Variants in GPM6A observed in about 807,000 individuals in gnomAD.
The protein encoded by GPM6A is neuronal membrane glycoprotein M6-a.
GPM6A carries 7 observed loss-of-function variants against 32.1 expected under a neutral mutation model. The ratio of observed to expected loss-of-function variants is 0.22; its 90% CI spans 0.12 to 0.41. The LOEUF (loss-of-function observed/expected upper bound fraction) is 0.41, where lower values mean the gene tolerates loss of function less well. GPM6A is among the 10% of genes least tolerant of loss of function. The pLI, the probability that GPM6A is intolerant of heterozygous loss-of-function variation, is 1.00. For missense variants in GPM6A, 235 were observed against 347.2 expected (o/e 0.68, Z 2.57); for synonymous variants, 130 against 123.4 (o/e 1.05, Z -0.35).
chr4:175,926,875 C>T (rs1366055347), intron 1 of GPM6A, among the ~76,000 whole-genome samples: 1 of 152,190 alleles, frequency 6.6e-6, no homozygotes, highest in East Asian at 1.9e-4. Flanking sequence ...ATCGTCAAAT[C>T]AGTGCCTTAA....
At chr4:175,695,086 AG>A (rs1744504326) in intron 2 of GPM6A, among the ~76,000 whole-genome samples, 1 of 152,144 alleles carries the variant, frequency 6.6e-6, no homozygotes, top group South Asian at 2.1e-4. Context: ...GCAAGAGTTG[AG>A]GTTTGGAAGC....
chr4:175,891,116 A>G (rs1197867496), intron 1 of GPM6A, among the ~76,000 whole-genome samples: 2 of 152,194 alleles, frequency 1.3e-5, no homozygotes, highest in Non-Finnish European at 2.9e-5. Flanking sequence ...TAACATAAGT[A>G]ATTTTACATC....
At chr4:175,676,041 T>C (rs1743348596) in intron 2 of GPM6A, among the ~76,000 whole-genome samples, 2 of 152,170 alleles carry the variant, frequency 1.3e-5, no homozygotes, top group South Asian at 4.1e-4. Context: ...CTTGTGATAG[T>C]GAGTGAGTTC....
intron 1 of GPM6A, among the ~76,000 whole-genome samples, chr4:175,914,232 T>C (rs988699191): frequency 6.6e-6 from 1 of 152,200 alleles, no homozygotes; most frequent in Admixed American, 6.5e-5. Context: ...GTTCACTTAA[T>C]CCTGAATCCA....
chr4:175,763,670 C>T (rs912104611), intron 1 of GPM6A, among the ~76,000 whole-genome samples: 34 of 152,092 alleles, frequency 2.2e-4, no homozygotes, highest in Admixed American at 1.4e-3. Flanking sequence ...GAACATTGTA[C>T]GTGTCCCAGT....
At chr4:175,992,247 C>T (rs538992222) in intron 1 of GPM6A, among the ~76,000 whole-genome samples, 4 of 152,126 alleles carry the variant, frequency 2.6e-5, no homozygotes, top group South Asian at 2.1e-4. Flanking sequence ...AAGGAAGTCT[C>T]AGATAATTCC....
At chr4:175,884,456 A>C (rs1737385331) in intron 1 of GPM6A, among the ~76,000 whole-genome samples, 1 of 152,054 alleles carries the variant, frequency 6.6e-6, no homozygotes, top group African/African-American at 2.4e-5. Flanking sequence ...GGCAAAGACC[A>C]CTCTTATTTT....
intron 1 of GPM6A, among the ~76,000 whole-genome samples, chr4:175,781,016 AG>A (rs1401895177): frequency 6.6e-6 from 1 of 152,114 alleles, no homozygotes; most frequent in Non-Finnish European, 1.5e-5. Context: ...TAGAAGGGCA[AG>A]GTATCAGGAG....
upstream of GPM6A, chr4:175,812,340 T>TTTTTTTTTGAGA (rs1734964692): frequency 7.8e-7 from 1 of 1,279,438 alleles, no homozygotes. Flanking sequence ...TTTTTTTTTT[T>TTTTTTTTTGAGA]CCTGGGAAGC....
At chr4:175,917,037 G>A (rs1738515683) in intron 1 of GPM6A, among the ~76,000 whole-genome samples, 1 of 152,146 alleles carries the variant, frequency 6.6e-6, no homozygotes, top group Non-Finnish European at 1.5e-5. Flanking sequence ...CATTCTTTTA[G>A]CTAAGGATAT....
intron 1 of GPM6A, among the ~76,000 whole-genome samples, chr4:175,895,132 T>C (rs1211630114): frequency 6.6e-6 from 1 of 152,178 alleles, no homozygotes; most frequent in Non-Finnish European, 1.5e-5. Context: ...CAAAATCTTC[T>C]TTGATCTTTA....
intron 1 of GPM6A, among the ~76,000 whole-genome samples, chr4:175,952,983 T>C (rs1739865117): frequency 6.8e-6 from 1 of 146,004 alleles, no homozygotes; most frequent in South Asian, 2.1e-4. Context: ...TGAGCCAAGA[T>C]CACACTACTG....
At chr4:175,863,794 G>C (rs932208535) in intron 1 of GPM6A, among the ~76,000 whole-genome samples, 1 of 152,136 alleles carries the variant, frequency 6.6e-6, no homozygotes, top group Admixed American at 6.5e-5. Context: ...TCGAGCCCAA[G>C]AGTTCAAGAC....
chr4:175,646,077 T>A (rs544643934), intron 4 of GPM6A, among the ~76,000 whole-genome samples: 1 of 152,192 alleles, frequency 6.6e-6, no homozygotes, highest in South Asian at 2.1e-4. Flanking sequence ...AGGATGCTTC[T>A]GATTACATTG....
chr4:175,939,354 A>G (rs1739336559), intron 1 of GPM6A, among the ~76,000 whole-genome samples: 1 of 152,210 alleles, frequency 6.6e-6, no homozygotes, highest in Non-Finnish European at 1.5e-5. Flanking sequence ...ACTGTGAATA[A>G]TTTAGTAATC....
chr4:175,821,194 G>A (rs1735267664), intron 1 of GPM6A, among the ~76,000 whole-genome samples: 1 of 152,054 alleles, frequency 6.6e-6, no homozygotes, highest in African/African-American at 2.4e-5. Context: ...TAATTTACAT[G>A]AGTATTAATT....
chr4:175,900,212 G>T (rs1454852070), intron 1 of GPM6A, among the ~76,000 whole-genome samples: 1 of 150,782 alleles, frequency 6.6e-6, no homozygotes, highest in Admixed American at 6.6e-5. Context: ...GGCGGAGGTT[G>T]CAGTGAGCCA....
At chr4:175,769,489 A>T (rs534721119) in intron 1 of GPM6A, among the ~76,000 whole-genome samples, 1 of 152,012 alleles carries the variant, frequency 6.6e-6, no homozygotes, top group Non-Finnish European at 1.5e-5. Context: ...AGTTCAGGGA[A>T]ACAAATCAAT....
chr4:175,707,612 AC>A (rs1400195220), intron 1 of GPM6A, among the ~76,000 whole-genome samples: 1 of 151,728 alleles, frequency 6.6e-6, no homozygotes, highest in Non-Finnish European at 1.5e-5. Flanking sequence ...TAATCATACC[AC>A]CTGTGAAAAT....
Sources: allele counts gnomAD v4.1 joint callset (sites outside exome capture counted in the v4.1 genomes callset), GRCh38; gene constraint gnomAD v4.1.1; transcripts MANE v1.5; gene names NCBI Gene and HGNC (gene_info 2026-07-23, HGNC 2026-07-21).